The following LMBR1 variants were observed in gnomAD, a reference collection of about 807,000 sequenced individuals.
LMBR1 encodes limb development membrane protein 1.
Under a neutral mutation model 73.9 loss-of-function variants are expected in LMBR1, and 52 were observed. The ratio of observed to expected loss-of-function variants is 0.70; its 90% CI spans 0.56 to 0.89. LMBR1 has a LOEUF of 0.89. LMBR1 is among the 40% of genes least tolerant of loss of function. LMBR1 has a pLI of 0.00. For synonymous variants in LMBR1, 215 were observed against 209.4 expected, an observed-to-expected ratio of 1.03 and a Z score of -0.23; for missense variants, 539 against 579.8, an observed-to-expected ratio of 0.93 and a Z score of 0.72.
intron 10 of LMBR1, among the ~76,000 whole-genome samples, chr7:156,733,076 C>T (rs1585436069): frequency 6.6e-6 from 1 of 152,036 alleles, no homozygotes; most frequent in African/African-American, 2.4e-5. Flanking sequence ...GCCGGGGAGG[C>T]GGAGGTTGCA....
chr7:156,727,136 G>T (rs1465874306), intron 12 of LMBR1, among the ~76,000 whole-genome samples: 1 of 152,062 alleles, frequency 6.6e-6, no homozygotes, highest in Non-Finnish European at 1.5e-5. Flanking sequence ...CCTTCCAATA[G>T]GTTAGAAAAA....
chr7:156,848,569 T>C (rs1277840154), intron 1 of LMBR1, among the ~76,000 whole-genome samples: 1 of 152,150 alleles, frequency 6.6e-6, no homozygotes, highest in African/African-American at 2.4e-5. Flanking sequence ...GCTTATAAAC[T>C]GGCTAGTGGA....
chr7:156,745,346 T>C (rs1819654597), intron 9 of LMBR1, among the ~76,000 whole-genome samples: 1 of 152,208 alleles, frequency 6.6e-6, no homozygotes, highest in South Asian at 2.1e-4. Flanking sequence ...CTTGGTCTTC[T>C]TCACTGAACC....
chr7:156,680,403 A>AGAGAGAGAGAGTGTGTGTGTGT lies in LMBR1; in HGVS notation c.*3674_*3675insACACACACACACTCTCTCTCTC, dbSNP rs1343950098. The stretch of plus-strand genomic sequence containing the variant: ...GAGAGAGAGAGAGAGAGAGAGAGAG[A>AGAGAGAGAGAGTGTGTGTGTGT]GTGTGTGTGTGTGTGTGTGTGTAAT... On this transcript the variant is annotated 3_prime_UTR_variant, in exon 17 of 17. Transcript: ENST00000353442. 3.2e-5 allele frequency: 4 copies of AGAGAGAGAGAGTGTGTGTGTGT among 125,164 alleles called. No individual in the cohort carries two copies. Among genetic ancestry groups the AGAGAGAGAGAGTGTGTGTGTGT allele is most frequent in the African/African-American group, 1.2e-4 (4 of 32,664 alleles). 7.8% of individuals were successfully genotyped at this position (125,164 alleles called of 1,614,324 possible).
intron 9 of LMBR1, among the ~76,000 whole-genome samples, chr7:156,755,028 A>C (rs1341799527): frequency 1.3e-5 from 2 of 152,240 alleles, no homozygotes; most frequent in Non-Finnish European, 2.9e-5. Context: ...AACGGATGAT[A>C]AACAGTGCAT....
At chr7:156,826,142 G>A (rs1419571893) in intron 4 of LMBR1, among the ~76,000 whole-genome samples, 1 of 152,100 alleles carries the variant, frequency 6.6e-6, no homozygotes, top group Non-Finnish European at 1.5e-5. Flanking sequence ...ACCATGCCTG[G>A]CTAATTTTTA....
intron 4 of LMBR1, among the ~76,000 whole-genome samples, chr7:156,809,515 C>T (rs1038934375): frequency 6.6e-6 from 1 of 152,184 alleles, no homozygotes; most frequent in Admixed American, 6.5e-5. Context: ...ACTTACAATA[C>T]CTAATACAGT....
intron 16 of LMBR1, among the ~76,000 whole-genome samples, chr7:156,684,722 C>G (rs537069974): frequency 6.6e-6 from 1 of 152,130 alleles, no homozygotes; most frequent in African/African-American, 2.4e-5. Flanking sequence ...TTCAGGAGGC[C>G]GAGGTGGAAG....
chr7:156,826,496 G>A (rs1835719527), intron 4 of LMBR1, 109 bp downstream of exon 4: 2 of 687,868 alleles, frequency 2.9e-6, no homozygotes, highest in Non-Finnish European at 4.3e-6. Context: ...ATCGTTTACT[G>A]GAGGAAGTCA....
intron 5 of LMBR1, among the ~76,000 whole-genome samples, chr7:156,791,042 T>G (rs577834553): frequency 6.6e-6 from 1 of 152,326 alleles, no homozygotes; most frequent in African/African-American, 2.4e-5. Flanking sequence ...TGTAGAGGAT[T>G]TCTATTAATA....
chr7:156,801,798 C>T, intron 4 of LMBR1, among the ~76,000 whole-genome samples: 1 of 152,144 alleles, frequency 6.6e-6, no homozygotes. Flanking sequence ...TCCCAAAGTG[C>T]TGGGATTACA....
At position 156,688,127 on chromosome 7, in the gene LMBR1, A is replaced by G. The variant is rs1806358219; in HGVS notation, c.1290T>C (p.Ile430=). Residue 430 remains isoleucine, a synonymous_variant, in exon 16 of 17, where the codon ATT becomes ATC. Coordinates refer to ENST00000353442, the MANE Select transcript of LMBR1 (RefSeq NM_022458.4). The part of the protein sequence containing the change: ...GRFNWLGNFY[I]VLSYNLLFAI... ...CAAAAAGCAAATTGTAGGATAATAC[A>G]ATATAGAAATTTCCCAGCCAATTAA... 1 of 1,611,366 alleles carries G rather than the reference A, an allele frequency of 6.2e-7. No homozygotes were observed. Among genetic ancestry groups the G allele is most frequent in the Middle Eastern group, 1.7e-4 (1 of 6,058 alleles).
intron 3 of LMBR1, among the ~76,000 whole-genome samples, chr7:156,832,557 T>A (rs1836871017): frequency 6.6e-6 from 1 of 152,234 alleles, no homozygotes; most frequent in African/African-American, 2.4e-5. Flanking sequence ...TGTGGCCTTT[T>A]GTGTCTGGCT....
rs780489239 is a variant in LMBR1 at position 156,893,025 on chromosome 7, G to A, written c.-32C>T. ...TCATGCCCGCCGCCGCGCCGCCCGC[G>A]TCCGCGTGCTCCGCCACACCATCGT... On this transcript the variant is annotated 5_prime_UTR_variant, in exon 1 of 17. It adds an upstream start codon to the 5' untranslated region. Coordinates refer to ENST00000353442, the MANE Select transcript of LMBR1 (RefSeq NM_022458.4). The A allele has an allele frequency of 1.3e-5, 19 of 1,472,530 alleles. No individual in the cohort carries two copies. The highest frequency in any genetic ancestry group is 1.5e-5 in the African/African-American group (1 of 68,454). The allele number at this position is 1,472,530 out of a possible 1,614,324, so 91.2% of individuals were successfully genotyped here.
At chr7:156,735,937 C>T (rs1287087544) in intron 9 of LMBR1, among the ~76,000 whole-genome samples, 1 of 151,990 alleles carries the variant, frequency 6.6e-6, no homozygotes, top group Non-Finnish European at 1.5e-5. Context: ...AAAAGGAATT[C>T]GTAAGATAGA....
chr7:156,832,938 G>T (rs1214499532), intron 3 of LMBR1, among the ~76,000 whole-genome samples: 1 of 152,194 alleles, frequency 6.6e-6, no homozygotes, highest in Non-Finnish European at 1.5e-5. Context: ...TTTCACTACA[G>T]AAAGGACATT....
chr7:156,674,210 C>T (rs982641641), downstream of LMBR1, among the ~76,000 whole-genome samples: 2 of 152,218 alleles, frequency 1.3e-5, no homozygotes, highest in African/African-American at 4.8e-5. Context: ...AGGCAACATG[C>T]CAGCCTGTGG....
chr7:156,737,812 T>C (rs1219874074), intron 9 of LMBR1, among the ~76,000 whole-genome samples: 1 of 152,120 alleles, frequency 6.6e-6, no homozygotes, highest in Non-Finnish European at 1.5e-5. Flanking sequence ...GCATATTTCA[T>C]CTCCTCCAAG....
Position 156,763,724 on chromosome 7 carries a change from C to T in LMBR1, c.495G>A (p.Val165=), listed in dbSNP as rs1267084491. The T allele has an allele frequency of 6.2e-7, 1 of 1,606,314 alleles. No homozygotes were observed. Among genetic ancestry groups the T allele is most frequent in the Non-Finnish European group, 8.5e-7 (1 of 1,178,328 alleles). The change falls in exon 6 of 17, where the codon GTG becomes GTA. Residue 165 remains valine, a synonymous_variant. Transcript: ENST00000353442. ...LLLALLILGI[V]WVASALIDND... The stretch of plus-strand genomic sequence containing the variant: ...TGTCAATGAGTGCTGAAGCTACCCA[C>T]ACTATCCCAAGAATGAGTAACGCAA...
Sources: gnomAD v4.1 joint callset for allele counts (sites outside exome capture counted in the v4.1 genomes callset) on GRCh38, gnomAD v4.1.1 for gene constraint, MANE v1.5 for transcripts, NCBI Gene and HGNC (gene_info 2026-07-23, HGNC 2026-07-21) for gene names.